Variants in STRIP1 observed in about 807,000 individuals in gnomAD.
The protein encoded by STRIP1 is striatin interacting protein 1.
In STRIP1, 63 loss-of-function variants were observed where a neutral mutation model predicts 106.2. The ratio of observed to expected loss-of-function variants is 0.59; its 90% confidence interval spans 0.48 to 0.73. STRIP1 has a LOEUF of 0.73. STRIP1 is among the 30% of genes least tolerant of loss of function. The probability of loss-of-function intolerance (pLI) is 0.00; values close to 1 mark genes in which losing one functional copy is unlikely to be tolerated. For missense variants in STRIP1, 857 were observed against 1,074.8 expected (o/e 0.80, Z 2.83); for synonymous variants, 390 against 413.0 (o/e 0.94, Z 0.67).
chr1:110,053,520 T>C, intron 20 of STRIP1, 145 bp from the exon 21 acceptor site: 2 of 1,160,686 alleles, frequency 1.7e-6, no homozygotes, highest in Non-Finnish European at 2.4e-6. Context: ...CCTTTGGATC[T>C]AGGAAGGAAT....
intron 1 of STRIP1, 51 bp from the exon 2 acceptor site, chr1:110,037,840 T>G (rs756544184): frequency 7.8e-7 from 1 of 1,285,904 alleles, no homozygotes; most frequent in Admixed American, 1.7e-5. Flanking sequence ...ATGAGTTTCT[T>G]TGATAAATAG....
chr1:110,035,986 T>G (rs1319288520), intron 1 of STRIP1, among the ~76,000 whole-genome samples: 3 of 152,168 alleles, frequency 2.0e-5, no homozygotes, highest in Admixed American at 6.5e-5. Context: ...CGGACATCAG[T>G]GTTAACTACT....
chr1:110,042,660 A>G (rs1652817578), intron 8 of STRIP1, among the ~76,000 whole-genome samples: 1 of 152,194 alleles, frequency 6.6e-6, no homozygotes, highest in Non-Finnish European at 1.5e-5. Flanking sequence ...TTCTTGGGAG[A>G]TGTTTAGATG....
intron 9 of STRIP1, 60 bp downstream of exon 9, chr1:110,043,330 G>A: frequency 6.5e-7 from 1 of 1,534,856 alleles, no homozygotes. Flanking sequence ...GCTTGCAGCA[G>A]CACAGTCCTT....
chr1:110,041,956 T>A (rs990691540), intron 8 of STRIP1, 95 bp downstream of exon 8: 36 of 1,355,996 alleles, frequency 2.7e-5, no homozygotes, highest in Non-Finnish European at 3.4e-5. Flanking sequence ...ATTATGTGAC[T>A]GTAAAACTGC....
At chr1:110,036,454 G>A (rs1288036127) in intron 1 of STRIP1, among the ~76,000 whole-genome samples, 2 of 151,446 alleles carry the variant, frequency 1.3e-5, no homozygotes, top group African/African-American at 2.4e-5. Context: ...AACTCTCCCC[G>A]TCTCAAAAAA....
chr1:110,047,918 G>A, intron 15 of STRIP1, 49 bp downstream of exon 15: 1 of 1,443,254 alleles, frequency 6.9e-7, no homozygotes, highest in Non-Finnish European at 9.5e-7. Flanking sequence ...GATAGATGGA[G>A]AAGGGCAAAC....
rs758522983 is a variant in STRIP1, at chr1:110,049,181, C to T, written c.1731C>T (p.Ala577=). ...GCCACAAAGAGGTCATTGTTAAGGCCATTTCTGCTGTCCTGCTGCTGCTGC... is the reference window on the plus strand; with the variant it reads ...GCCACAAAGAGGTCATTGTTAAGGCTATTTCTGCTGTCCTGCTGCTGCTGC... ...VNRHKEVIVK[A]ISAVLLLLLK... is the part of the protein sequence containing the mutation. The change falls in exon 16 of 21, where the codon GCC becomes GCT. Residue 577 remains alanine (A), a synonymous_variant. Transcript: ENST00000369795. 1 of 1,614,166 alleles carries T rather than the reference C, an allele frequency of 6.2e-7. No individual in the cohort carries two copies. The highest frequency in any genetic ancestry group is 8.5e-7 in the Non-Finnish European group (1 of 1,180,040).
chr1:110,050,391 G>A lies in STRIP1; in HGVS notation c.1938G>A (p.Glu646=), dbSNP rs147921530. The A allele has an allele frequency of 1.8e-4, 297 of 1,614,190 alleles. 1 individual carries two copies. In the African/African-American group the frequency reaches 3.5e-3, roughly 19 times the overall value. ...ACTGCGTGGTGCATGAGCTGCCAGAGCTGACGGCGGAGAGTTTGGTGAGTG... is the reference window on the plus strand; with the variant it reads ...ACTGCGTGGTGCATGAGCTGCCAGAACTGACGGCGGAGAGTTTGGTGAGTG... The part of the protein sequence containing the change: ...YPHCVVHELP[E]LTAESLEAGD... Residue 646 remains glutamate, a synonymous_variant, in exon 18 of 21, where the codon GAG becomes GAA. Transcript: ENST00000369795.
intron 15 of STRIP1, among the ~76,000 whole-genome samples, chr1:110,048,788 C>T (rs113228265): frequency 2.0e-3 from 302 of 152,236 alleles, no homozygotes; most frequent in African/African-American, 7.0e-3. Context: ...TTCCACAGAA[C>T]ACATTTGGAG....
At chr1:110,048,711 C>T (rs560650279) in intron 15 of STRIP1, among the ~76,000 whole-genome samples, 133 of 152,364 alleles carry the variant, frequency 8.7e-4, no homozygotes, top group African/African-American at 3.1e-3. Flanking sequence ...TAACTCAGTG[C>T]TTCCTAAATT....
At chr1:110,043,541 T>C in intron 9 of STRIP1, 98 bp from the exon 10 acceptor site, 2 of 1,117,754 alleles carry the variant, frequency 1.8e-6, no homozygotes, top group Non-Finnish European at 2.6e-6. Context: ...TGTTCTTGCC[T>C]CTACTGGACA....
At chr1:110,034,609 A>G, upstream of STRIP1, 2 of 1,483,764 alleles carry the variant, frequency 1.3e-6, no homozygotes, top group Non-Finnish European at 1.8e-6. Flanking sequence ...GCTGTGCGCG[A>G]GTTAAGCTGG....
Position 110,040,618 on chromosome 1 carries a change from C to A in STRIP1, c.582-17C>A. On this transcript the variant is annotated splice_polypyrimidine_tract_variant and intron_variant, in intron 5 of 20. Transcript: ENST00000369795. ...TCCTTCTTGGAGGAAGATGCTGACTCTCAAAATCTCCTGCAGCAACAGTGC... is the reference window on the plus strand; with the variant it reads ...TCCTTCTTGGAGGAAGATGCTGACTATCAAAATCTCCTGCAGCAACAGTGC... 1 of 1,606,178 alleles carries A rather than the reference C, an allele frequency of 6.2e-7. No individual in the cohort carries two copies. Among genetic ancestry groups the A allele is most frequent in the South Asian group, 1.1e-5 (1 of 89,524 alleles).
At chr1:110,047,426 A>G (rs1042549456) in intron 13 of STRIP1, 116 bp from the exon 14 acceptor site, 4 of 754,854 alleles carry the variant, frequency 5.3e-6, no homozygotes, top group East Asian at 2.7e-5. Context: ...TGTTATCATC[A>G]TTAACATCAT....
In STRIP1 at chr1:110,046,841, G is replaced by A. The variant is rs1653047438; in HGVS notation, c.1488+90G>A. ...CCGAGGAGGGCAGATCATGAGGTCA[G>A]GAGATTGAGACCATCCTGGCTAACA... On this transcript the variant is annotated intron_variant, in intron 13 of 20. Transcript: ENST00000369795. 29 of 935,110 alleles carry A rather than the reference G, an allele frequency of 3.1e-5. 1 individual carries two copies. The South Asian group carries it at 3.6e-4, about 12-fold the overall frequency. The allele number at this position is 935,110 out of a possible 1,614,324, so 57.9% of individuals were successfully genotyped here. A position where few individuals can be genotyped will look rare whatever the true frequency, so the allele number is the denominator to read the frequency against.
chr1:110,051,677 T>TC lies in STRIP1; in HGVS notation c.2062-3dup. 6.3e-7 allele frequency: 1 copy of TC among 1,595,840 alleles called. No homozygotes were observed. The highest frequency in any genetic ancestry group is 8.5e-7 in the Non-Finnish European group (1 of 1,170,886). ...ACTTGGGCTGCTTGCTTGTTTCCCT[T>TC]CCCAGATGCTGGTGGTGTTCAAGTC... On this transcript the variant is annotated splice_polypyrimidine_tract_variant and splice_region_variant and intron_variant, in intron 19 of 20. Transcript: ENST00000369795.
Position 110,054,350 on chromosome 1 carries a change from G to T in STRIP1, c.*438G>T, listed in dbSNP as rs376332232. The T allele has an allele frequency of 6.0e-6, 1 of 167,520 alleles. No homozygotes were observed. The highest frequency in any genetic ancestry group is 1.7e-4 in the East Asian group (1 of 5,738). The allele number at this position is 167,520 out of a possible 1,614,324, so 10.4% of individuals were successfully genotyped here. A position where few individuals can be genotyped will look rare whatever the true frequency, so the allele number is the denominator to read the frequency against. The stretch of plus-strand genomic sequence containing the variant: ...GGATTAGGGCCAGGGCCAGAAAGTC[G>T]GTATCTTGGTTGTGCTCTGGGGTGG... On this transcript the variant is annotated 3_prime_UTR_variant, in exon 21 of 21. Transcript: ENST00000369795.
At position 110,054,081 on chromosome 1, in the gene STRIP1, C is replaced by T; in HGVS notation, c.*169C>T. On this transcript the variant is annotated 3_prime_UTR_variant, in exon 21 of 21. Transcript: ENST00000369795. The stretch of plus-strand genomic sequence containing the variant: ...TTGGGTGAGCCCAGCTTGACCTCCC[C>T]TTGGTTCCCAGGGTCCTGCTCCGAA... 1 of 738,966 alleles carries T rather than the reference C, an allele frequency of 1.4e-6. No individual in the cohort carries two copies. The highest frequency in any genetic ancestry group is 2.2e-6 in the Non-Finnish European group (1 of 457,006). The allele number at this position is 738,966 out of a possible 1,614,324, so 45.8% of individuals were successfully genotyped here.
Sources: gnomAD v4.1 joint callset for allele counts (sites outside exome capture counted in the v4.1 genomes callset) on GRCh38, gnomAD v4.1.1 for gene constraint, MANE v1.5 for transcripts, NCBI Gene and HGNC (gene_info 2026-07-23, HGNC 2026-07-21) for gene names.